The following GSE1 variants were observed in gnomAD, a reference collection of about 807,000 sequenced individuals.
The protein encoded by GSE1 is Gse1 coiled-coil protein.
Under a neutral mutation model 112.6 loss-of-function variants are expected in GSE1, and 32 were observed. The ratio of observed to expected loss-of-function variants is 0.28; its 90% confidence interval spans 0.21 to 0.38. The LOEUF (loss-of-function observed/expected upper bound fraction) is 0.38, where lower values mean the gene tolerates loss of function less well. Among genes scored for constraint, GSE1 ranks in the 10% least tolerant of loss-of-function variants. The probability of loss-of-function intolerance (pLI) is 1.00; values close to 1 mark genes in which losing one functional copy is unlikely to be tolerated. For synonymous variants in GSE1, 1,115 were observed against 735.6 expected (o/e 1.52, Z -8.35); for missense variants, 2,348 against 1,699.2 (o/e 1.38, Z -6.71).
chr16:85,674,934 C>T lies in GSE1; in HGVS notation c.*2395C>T, dbSNP rs1288049154. On this transcript the variant is annotated 3_prime_UTR_variant, in exon 16 of 16. Coordinates refer to ENST00000253458, the MANE Select transcript of GSE1 (RefSeq NM_014615.5). ...TACTCTTGCTCAAGAAGTAATACGA[C>T]AATCAGAATACAAACCAGTAAGGCA... 6.6e-6 allele frequency: 1 copy of T among 152,608 alleles called. No individual in the cohort carries two copies. Among genetic ancestry groups the T allele is most frequent in the Non-Finnish European group, 1.5e-5 (1 of 68,030 alleles). The allele number at this position is 152,608 out of a possible 1,614,324, so 9.5% of individuals were successfully genotyped here.
intron 2 of GSE1, among the ~76,000 whole-genome samples, chr16:85,542,917 C>A (rs1052814152): frequency 1.3e-5 from 2 of 152,186 alleles, no homozygotes; most frequent in Non-Finnish European, 2.9e-5. Flanking sequence ...CTGTTTTTAG[C>A]GTAAATGCCC....
At chr16:85,232,467 C>T (rs1369632454) in intron 1 of GSE1, among the ~76,000 whole-genome samples, 1 of 152,096 alleles carries the variant, frequency 6.6e-6, no homozygotes, top group Non-Finnish European at 1.5e-5. Flanking sequence ...CTGTGAGTGT[C>T]CAGAGTGAAA....
chr16:85,466,863 CA>C (rs2050139363), intron 2 of GSE1, among the ~76,000 whole-genome samples: 1 of 152,090 alleles, frequency 6.6e-6, no homozygotes, highest in South Asian at 2.1e-4. Flanking sequence ...AGTTCGAGAC[CA>C]GCCTGGCCGA....
intron 2 of GSE1, among the ~76,000 whole-genome samples, chr16:85,392,836 G>A (rs533150412): frequency 3.3e-5 from 5 of 152,350 alleles, no homozygotes; most frequent in East Asian, 3.9e-4. Context: ...CTGGAGAGGC[G>A]GCTGGGGCCA....
At chr16:85,252,321 C>CTATCTCCA (rs1906576975) in intron 1 of GSE1, among the ~76,000 whole-genome samples, 5 of 152,194 alleles carry the variant, frequency 3.3e-5, no homozygotes, top group Non-Finnish European at 4.4e-5. Context: ...GGACCTGTCA[C>CTATCTCCA]TGTAGCTCAG....
At chr16:85,329,083 A>G (rs2046286042) in intron 1 of GSE1, among the ~76,000 whole-genome samples, 1 of 151,714 alleles carries the variant, frequency 6.6e-6, no homozygotes, top group Non-Finnish European at 1.5e-5. Flanking sequence ...GTGTTCTAAC[A>G]CTTGAACTCT....
At chr16:85,671,284 CA>C (rs1369635194) in intron 15 of GSE1, among the ~76,000 whole-genome samples, 186 bp downstream of exon 15, 8 of 151,548 alleles carry the variant, frequency 5.3e-5, no homozygotes, top group Admixed American at 1.3e-4. Flanking sequence ...ACTAAAAATA[CA>C]AAAAATTAGC....
In GSE1 at chr16:85,576,813, C is replaced by T. The variant is rs1329145522; in HGVS notation, c.37+20450C>T. ...TGGTGTGTCCTTGGGGATCATGGTG[C>T]TTCTGTCTTGCTTTGCCACTGCAAA... On this transcript the variant is annotated intron_variant, in intron 1 of 2. Transcript: ENST00000635906. 2.6e-5 allele frequency among the ~76,000 whole-genome samples: 4 copies of T among 152,248 alleles called. No homozygotes were observed. The East Asian group carries it at 5.8e-4, about 22-fold the overall frequency.
intron 1 of GSE1, among the ~76,000 whole-genome samples, chr16:85,255,086 A>AGGC (rs10689181): frequency 0.18 from 26,778 of 152,042 alleles, 2,908 homozygotes; most frequent in Admixed American, 0.35. Context: ...CCAGAGAGGG[A>AGGC]GGCGGCGGCG....
chr16:85,184,691 C>T (rs146576795), intron 1 of GSE1, among the ~76,000 whole-genome samples: 3 of 152,144 alleles, frequency 2.0e-5, no homozygotes, highest in African/African-American at 7.2e-5. Flanking sequence ...TTTCAATTTC[C>T]CTTGTGTTTT....
At chr16:85,347,097 G>A (rs985823015) in intron 1 of GSE1, among the ~76,000 whole-genome samples, 2 of 152,186 alleles carry the variant, frequency 1.3e-5, no homozygotes, top group East Asian at 1.9e-4. Context: ...GCCGCTGCTC[G>A]GTGGTGTTGA....
At chr16:85,193,237 C>A (rs191605859) in intron 1 of GSE1, among the ~76,000 whole-genome samples, 52 of 152,350 alleles carry the variant, frequency 3.4e-4, no homozygotes, top group East Asian at 3.1e-3. Context: ...GTTTATTGAA[C>A]ACTCGTGACG....
In GSE1 at chr16:85,661,761, GA is replaced by G; in HGVS notation, c.2259del (p.Tyr755ThrfsTer39). ...AGCGCAGGCGGCGGGAGGCCCAGGAGAAAGGTCTGCCTCCCCGCGGGCCCCG... is the reference window on the plus strand; with the variant it reads ...AGCGCAGGCGGCGGGAGGCCCAGGAGAAGGTCTGCCTCCCCGCGGGCCCCG... The part of the protein sequence containing the change: ...EERRRREAQE[K>X]GYYYDLDDSY... On this transcript the variant is annotated frameshift_variant, in exon 9 of 16. Transcript: ENST00000253458. LOFTEE classifies it high-confidence loss of function. 6.6e-7 allele frequency: 1 copy of G among 1,521,396 alleles called. No homozygotes were observed. The highest frequency in any genetic ancestry group is 8.8e-7 in the Non-Finnish European group (1 of 1,130,766). 94.2% of individuals were successfully genotyped at this position (1,521,396 alleles called of 1,614,324 possible).
chr16:85,613,908 T>A (rs2048180495), intron 1 of GSE1, among the ~76,000 whole-genome samples: 1 of 147,322 alleles, frequency 6.8e-6, no homozygotes, highest in African/African-American at 2.5e-5. Flanking sequence ...AGGGTTCTTG[T>A]CTTGCTCCCC....
chr16:85,464,132 C>G (rs1441276376), intron 2 of GSE1, among the ~76,000 whole-genome samples: 1 of 152,188 alleles, frequency 6.6e-6, no homozygotes, highest in Non-Finnish European at 1.5e-5. Context: ...GCCCGCCCAC[C>G]CCTCCTCTCT....
chr16:85,471,155 G>A (rs943280854), intron 2 of GSE1, among the ~76,000 whole-genome samples: 1 of 152,108 alleles, frequency 6.6e-6, no homozygotes, highest in African/African-American at 2.4e-5. Flanking sequence ...CTCTCAGCCC[G>A]ACCCCTGCCC....
chr16:85,175,160 G>C lies in GSE1; in HGVS notation c.2283+3353G>C, dbSNP rs544827302. Among the ~76,000 whole-genome samples, 3 of 152,300 alleles carry C rather than the reference G, an allele frequency of 2.0e-5. No homozygotes were observed. In the East Asian group the frequency reaches 5.8e-4, roughly 29 times the overall value. On this transcript the variant is annotated intron_variant, in intron 1 of 2. Transcript: ENST00000637419. ...AGAAGAAAGAAAGAAGAGGAGGAGG[G>C]TGTCCCCTGCACCTTCTGCTTTGGA...
intron 2 of GSE1, among the ~76,000 whole-genome samples, chr16:85,501,709 C>A (rs1245000737): frequency 6.6e-6 from 1 of 152,180 alleles, no homozygotes; most frequent in African/African-American, 2.4e-5. Context: ...TTCAGCATAT[C>A]TTTTGGAGGT....
At chr16:85,629,522 G>A (rs960146084) in intron 1 of GSE1, among the ~76,000 whole-genome samples, 20 of 152,236 alleles carry the variant, frequency 1.3e-4, no homozygotes, top group Admixed American at 1.0e-3. Flanking sequence ...GGAGCAGGTC[G>A]AGCTGGGCCC....
Sources: allele counts gnomAD v4.1 joint callset (sites outside exome capture counted in the v4.1 genomes callset), GRCh38; gene constraint gnomAD v4.1.1; transcripts MANE v1.5; gene names NCBI Gene and HGNC (gene_info 2026-07-23, HGNC 2026-07-21).